SOBP: variants seen among roughly 807,000 people sequenced by gnomAD.
SOBP encodes sine oculis binding protein homolog.
In SOBP, 4 loss-of-function variants were observed where a neutral mutation model predicts 53.6. The ratio of observed to expected loss-of-function variants is 0.07; its 90% CI spans 0.04 to 0.17. The LOEUF is 0.17. Among genes scored for constraint, SOBP ranks in the 10% least tolerant of loss-of-function variants. The pLI is 1.00. For synonymous variants in SOBP, 584 were observed against 522.6 expected (o/e 1.12, Z -1.60); for missense variants, 1,088 against 1,204.7 (o/e 0.90, Z 1.43).
chr6:107,500,552 C>T (rs1310525908), intron 1 of SOBP, among the ~76,000 whole-genome samples: 2 of 151,468 alleles, frequency 1.3e-5, no homozygotes, highest in Non-Finnish European at 2.9e-5. Context: ...GAAGGAATCT[C>T]TCTCTGTCGC....
At chr6:107,593,716 G>A (rs1785842865) in intron 5 of SOBP, among the ~76,000 whole-genome samples, 1 of 152,164 alleles carries the variant, frequency 6.6e-6, no homozygotes, top group African/African-American at 2.4e-5. Flanking sequence ...CCTAATAAAA[G>A]CTCAACAACC....
chr6:107,586,545 T>C (rs1202199913), intron 4 of SOBP, among the ~76,000 whole-genome samples: 2 of 152,064 alleles, frequency 1.3e-5, no homozygotes, highest in East Asian at 1.9e-4. Flanking sequence ...CTGCATTTGA[T>C]TGAAGAATCA....
chr6:107,583,162 T>C (rs969041409), intron 4 of SOBP, among the ~76,000 whole-genome samples: 8 of 152,224 alleles, frequency 5.3e-5, no homozygotes, highest in Non-Finnish European at 1.0e-4. Flanking sequence ...ATGGATGTTG[T>C]CTAACATTGC....
Position 107,635,240 on chromosome 6 carries a change from G to C in SOBP, c.2396G>C (p.Gly799Ala). The C allele has an allele frequency of 6.2e-7, 1 of 1,613,890 alleles. No homozygotes were observed. The highest frequency in any genetic ancestry group is 1.1e-5 in the South Asian group (1 of 91,078). Reference protein sequence around the residue: ...KLMGEEALAGGDKSDPNLNNP... With the variant: ...KLMGEEALAGADKSDPNLNNP... Reference sequence around the variant, plus strand: ...ATGGGCGAGGAGGCCCTGGCGGGGGGCGACAAGTCAGACCCGAACCTTAAT... The same window carrying C: ...ATGGGCGAGGAGGCCCTGGCGGGGGCCGACAAGTCAGACCCGAACCTTAAT... Residue 799 changes from glycine to alanine, a missense_variant, in exon 6 of 7, where the codon GGC becomes GCC. Around this residue, in one of 6 missense-constraint regions of SOBP, gnomAD observed 665 missense variants for 629.7 expected, o/e 1.06. Transcript: ENST00000317357. This position sits in a 1 kb window ranked among gnomAD's most constrained non-coding sequence, Gnocchi z 4.5.
intron 4 of SOBP, among the ~76,000 whole-genome samples, chr6:107,537,839 A>G (rs1287219475): frequency 6.7e-6 from 1 of 149,138 alleles, no homozygotes; most frequent in African/African-American, 2.5e-5. Flanking sequence ...AAAAAAAAAG[A>G]TCGAAATACT....
chr6:107,514,770 C>G (rs1326810274), intron 3 of SOBP: 1 of 152,088 alleles, frequency 6.6e-6, no homozygotes, highest in Non-Finnish European at 1.5e-5. Flanking sequence ...TTTATAAAAT[C>G]CTTATTTTGT....
At chr6:107,537,429 G>C (rs1403786598) in intron 4 of SOBP, among the ~76,000 whole-genome samples, 3 of 152,216 alleles carry the variant, frequency 2.0e-5, no homozygotes, top group Non-Finnish European at 4.4e-5. Flanking sequence ...CGGATCTCAA[G>C]TTTTTAGTGT....
chr6:107,600,070 A>T (rs1412262339), intron 5 of SOBP, among the ~76,000 whole-genome samples: 1 of 152,246 alleles, frequency 6.6e-6, no homozygotes, highest in Non-Finnish European at 1.5e-5. Flanking sequence ...GTAAGAAAAC[A>T]TGCAAACAGA....
chr6:107,641,755 AC>A (rs1481280752), intron 6 of SOBP, among the ~76,000 whole-genome samples: 1 of 152,124 alleles, frequency 6.6e-6, no homozygotes, highest in African/African-American at 2.4e-5. Flanking sequence ...ATTTACACCT[AC>A]CTTCATGCAG....
intron 3 of SOBP, among the ~76,000 whole-genome samples, chr6:107,521,373 A>G (rs7341355): frequency 0.014 from 2,175 of 152,130 alleles, 42 homozygotes; most frequent in African/African-American, 0.044. Flanking sequence ...TATTCTACTT[A>G]ATTTGAGAAA....
At chr6:107,516,929 G>A (rs1783337837) in intron 3 of SOBP, among the ~76,000 whole-genome samples, 1 of 152,122 alleles carries the variant, frequency 6.6e-6, no homozygotes, top group South Asian at 2.1e-4. Flanking sequence ...TTGTAAAGAG[G>A]AAGATTCCTC....
chr6:107,561,286 T>TA lies in SOBP; in HGVS notation c.574-25784dup, dbSNP rs199956617. 2.1e-3 allele frequency among the ~76,000 whole-genome samples: 313 copies of TA among 150,216 alleles called. 3 individuals carry two copies. In the South Asian group the frequency reaches 0.033, roughly 16 times the overall value. On this transcript the variant is annotated intron_variant, in intron 4 of 6. Transcript: ENST00000317357. ...CGTAGTTCATGGGGTTTCTTTAAAT[T>TA]AAAAAAAAAATCCAAGCTAAATATT...
intron 5 of SOBP, among the ~76,000 whole-genome samples, chr6:107,628,300 C>T (rs1158819135): frequency 1.3e-5 from 2 of 152,154 alleles, no homozygotes; most frequent in African/African-American, 2.4e-5. Flanking sequence ...CTGGGATGCA[C>T]ATAGAATTGT....
intron 6 of SOBP, among the ~76,000 whole-genome samples, chr6:107,648,827 T>C (rs188916716): frequency 1.1e-3 from 165 of 152,316 alleles, no homozygotes; most frequent in African/African-American, 3.0e-3. Flanking sequence ...AATATTTCAG[T>C]AGCATTGCTG....
intron 4 of SOBP, among the ~76,000 whole-genome samples, chr6:107,536,816 A>G (rs1029970259): frequency 2.6e-5 from 4 of 152,202 alleles, no homozygotes; most frequent in Non-Finnish European, 5.9e-5. Flanking sequence ...TACACATTTC[A>G]GAATGTTGGC....
intron 1 of SOBP, among the ~76,000 whole-genome samples, chr6:107,494,968 G>A (rs1048250029): frequency 1.3e-5 from 2 of 151,736 alleles, no homozygotes; most frequent in African/African-American, 4.8e-5. Flanking sequence ...GAGAGAGAGA[G>A]AAATCAGAGC....
chr6:107,604,682 G>A (rs1203197910), intron 5 of SOBP, among the ~76,000 whole-genome samples: 2 of 152,180 alleles, frequency 1.3e-5, no homozygotes, highest in South Asian at 4.1e-4. Flanking sequence ...AACCTTCACT[G>A]CAATATGCCT....
At chr6:107,562,770 G>T (rs78807919) in intron 4 of SOBP, among the ~76,000 whole-genome samples, 2,251 of 152,034 alleles carry the variant, frequency 0.015, 45 homozygotes, top group African/African-American at 0.052. Context: ...TCTCAAAAAG[G>T]AAACTAAAAT....
chr6:107,624,096 G>A (rs1036537968), intron 5 of SOBP, among the ~76,000 whole-genome samples: 1 of 152,174 alleles, frequency 6.6e-6, no homozygotes, highest in Admixed American at 6.5e-5. Flanking sequence ...GTAAGCATAT[G>A]CACAGAGGAA....
Sources: gnomAD v4.1 joint callset for allele counts (sites outside exome capture counted in the v4.1 genomes callset) on GRCh38, gnomAD v4.1.1 for gene constraint, gnomAD v4.1.1 regional missense constraint, Gnocchi (gnomAD v3.1) non-coding constraint, MANE v1.5 for transcripts, NCBI Gene and HGNC (gene_info 2026-07-23, HGNC 2026-07-21) for gene names.